The following CACNA2D3 variants were observed in gnomAD, a reference collection of about 807,000 sequenced individuals.
CACNA2D3 encodes calcium voltage-gated channel auxiliary subunit alpha2delta 3.
CACNA2D3 carries 60 observed loss-of-function variants against 160.6 expected under a neutral mutation model. The observed-to-expected ratio is 0.37, with a 90% CI of 0.30 to 0.46. The LOEUF (loss-of-function observed/expected upper bound fraction) is 0.46. CACNA2D3 is among the 20% of genes least tolerant of loss of function. The probability of loss-of-function intolerance (pLI) is 1.00; values close to 1 mark genes in which losing one functional copy is unlikely to be tolerated. For synonymous variants in CACNA2D3, 558 were observed against 492.9 expected, an observed-to-expected ratio of 1.13 and a Z score of -1.75; for missense variants, 1,205 against 1,365.0, an observed-to-expected ratio of 0.88 and a Z score of 1.85.
At chr3:54,620,038 C>T (rs182374443) in intron 9 of CACNA2D3, among the ~76,000 whole-genome samples, 208 of 152,132 alleles carry the variant, frequency 1.4e-3, no homozygotes, top group African/African-American at 4.8e-3. Flanking sequence ...GTGTGGGCAC[C>T]CTTTGAGCCT....
At chr3:54,643,986 C>A (rs1699582602) in intron 11 of CACNA2D3, among the ~76,000 whole-genome samples, 1 of 152,156 alleles carries the variant, frequency 6.6e-6, no homozygotes, top group Non-Finnish European at 1.5e-5. Context: ...TTTTAATAAG[C>A]AGCTCTATGA....
intron 2 of CACNA2D3, chr3:54,273,140 C>T (rs1285020731): frequency 6.6e-6 from 1 of 152,250 alleles, no homozygotes; most frequent in African/African-American, 2.4e-5. Context: ...TTTTGCAGTT[C>T]CACGTGCCTG....
intron 2 of CACNA2D3, among the ~76,000 whole-genome samples, chr3:54,141,061 C>CTGTGTGTGTG (rs55833247): frequency 0.15 from 18,900 of 128,912 alleles, 1,575 homozygotes; most frequent in Non-Finnish European, 0.18. Context: ...CAGGTGAAAC[C>CTGTGTGTGTG]TGTGTGTGTG....
intron 2 of CACNA2D3, among the ~76,000 whole-genome samples, chr3:54,274,139 G>C (rs1702683071): frequency 6.6e-6 from 1 of 151,756 alleles, no homozygotes; most frequent in South Asian, 2.1e-4. Context: ...AAAATCTGCT[G>C]TAAAGCAATA....
In CACNA2D3 at chr3:54,729,998, CAAAAAAA is replaced by C. The variant is rs56364535; in HGVS notation, c.1168-22584_1168-22578del. ...TGGACAACAGAGCAAGACTCCATCT[CAAAAAAA>C]AAAAAAAAAAAAAAAATTAGTGTTT... On this transcript the variant is annotated intron_variant, in intron 11 of 37. Coordinates refer to ENST00000474759, the MANE Select transcript of CACNA2D3 (RefSeq NM_018398.3). 8.6e-3 allele frequency among the ~76,000 whole-genome samples: 944 copies of C among 109,496 alleles called. 15 individuals carry two copies. The highest frequency in any genetic ancestry group is 0.032 in the African/African-American group (859 of 26,534). 71.8% of individuals were successfully genotyped at this position (109,496 alleles called of 152,430 possible).
At chr3:54,206,357 A>G (rs187180877) in intron 2 of CACNA2D3, among the ~76,000 whole-genome samples, 6 of 152,244 alleles carry the variant, frequency 3.9e-5, no homozygotes, top group Admixed American at 3.9e-4. Flanking sequence ...CCCAGGGGAA[A>G]ATTTTGAGCT....
intron 3 of CACNA2D3, among the ~76,000 whole-genome samples, chr3:54,332,893 C>A (rs970614441): frequency 6.6e-6 from 1 of 152,240 alleles, no homozygotes; most frequent in East Asian, 1.9e-4. Context: ...GCTCCCTCCC[C>A]ACATGGAGTT....
At chr3:54,699,199 C>T (rs1235959795) in intron 11 of CACNA2D3, among the ~76,000 whole-genome samples, 1 of 152,128 alleles carries the variant, frequency 6.6e-6, no homozygotes, top group Non-Finnish European at 1.5e-5. Context: ...GTTCCTTTGG[C>T]CCCATGCCAG....
chr3:54,446,443 C>T (rs570154737), intron 4 of CACNA2D3, among the ~76,000 whole-genome samples: 1 of 152,172 alleles, frequency 6.6e-6, no homozygotes, highest in Non-Finnish European at 1.5e-5. Flanking sequence ...AGTAAGGTGT[C>T]TGGGCCCACA....
intron 21 of CACNA2D3, among the ~76,000 whole-genome samples, chr3:54,881,113 C>T (rs1575527909): frequency 1.3e-5 from 2 of 152,274 alleles, no homozygotes; most frequent in South Asian, 4.2e-4. Flanking sequence ...CTTTCATCCA[C>T]AAAGCTGTTG....
At chr3:55,028,939 G>C (rs1703623522) in intron 35 of CACNA2D3, among the ~76,000 whole-genome samples, 1 of 152,156 alleles carries the variant, frequency 6.6e-6, no homozygotes, top group Non-Finnish European at 1.5e-5. Flanking sequence ...TCATTTATCT[G>C]CTAAGCTGAA....
chr3:54,697,642 G>A (rs770354948), intron 11 of CACNA2D3, among the ~76,000 whole-genome samples: 47 of 152,156 alleles, frequency 3.1e-4, no homozygotes, highest in Non-Finnish European at 5.6e-4. Flanking sequence ...GGAAGGAATG[G>A]AGCCATGTGC....
chr3:54,466,688 A>G (rs1339394290), intron 4 of CACNA2D3, among the ~76,000 whole-genome samples: 1 of 152,214 alleles, frequency 6.6e-6, no homozygotes, highest in Non-Finnish European at 1.5e-5. Context: ...TGACTGATAT[A>G]AAATAGTTGT....
chr3:54,196,267 C>G (rs910294398), intron 2 of CACNA2D3, among the ~76,000 whole-genome samples: 1 of 152,138 alleles, frequency 6.6e-6, no homozygotes, highest in African/African-American at 2.4e-5. Context: ...TTGATATTAT[C>G]TAACTTTTAT....
intron 11 of CACNA2D3, among the ~76,000 whole-genome samples, chr3:54,734,403 A>G (rs1701455978): frequency 6.6e-6 from 1 of 152,184 alleles, no homozygotes; most frequent in South Asian, 2.1e-4. Context: ...AGTTCACAGG[A>G]AAGCTCTCAG....
At chr3:54,887,771 G>C (rs1316629680) in intron 23 of CACNA2D3, among the ~76,000 whole-genome samples, 188 bp from the exon 24 acceptor site, 6 of 152,178 alleles carry the variant, frequency 3.9e-5, no homozygotes, top group Non-Finnish European at 8.8e-5. Flanking sequence ...TGCTTTGGAG[G>C]CTCCTGTGTT....
chr3:54,185,643 T>G (rs1283386811), intron 2 of CACNA2D3, among the ~76,000 whole-genome samples: 2 of 152,234 alleles, frequency 1.3e-5, no homozygotes, highest in African/African-American at 4.8e-5. Flanking sequence ...GTAAATATTT[T>G]GGGCTCTCTA....
chr3:54,193,806 T>C (rs536375365), intron 2 of CACNA2D3, among the ~76,000 whole-genome samples: 1 of 152,302 alleles, frequency 6.6e-6, no homozygotes, highest in African/African-American at 2.4e-5. Context: ...AGACCTAGGT[T>C]CTAATTCATT....
In CACNA2D3 at chr3:54,703,170, C is replaced by T. The variant is rs138692149; in HGVS notation, c.1168-49429C>T. On this transcript the variant is annotated intron_variant, in intron 11 of 37. Coordinates refer to ENST00000474759, the MANE Select transcript of CACNA2D3 (RefSeq NM_018398.3). ...GTAATGAAATAATTCGTACACCAAA[C>T]GCCAGTGACATGCAATTTACTCATG... 2.0e-5 allele frequency among the ~76,000 whole-genome samples: 3 copies of T among 152,072 alleles called. No individual in the cohort carries two copies. In the South Asian group the frequency reaches 6.2e-4, roughly 32 times the overall value.
Sources: allele counts gnomAD v4.1 joint callset (sites outside exome capture counted in the v4.1 genomes callset), GRCh38; gene constraint gnomAD v4.1.1; transcripts MANE v1.5; gene names NCBI Gene and HGNC (gene_info 2026-07-23, HGNC 2026-07-21).